IYD: variants seen among roughly 807,000 people sequenced by gnomAD.
IYD encodes iodotyrosine deiodinase 1.
In IYD, 25 loss-of-function variants were observed where a neutral mutation model predicts 28.4. The ratio of observed to expected loss-of-function variants is 0.88; its 90% CI spans 0.64 to 1.23. The LOEUF is 1.23. IYD is among the 50% of genes most tolerant of loss of function. The probability of loss-of-function intolerance (pLI) is 0.00; values close to 1 mark genes in which losing one functional copy is unlikely to be tolerated. For synonymous variants in IYD, 140 were observed against 130.8 expected, an observed-to-expected ratio of 1.07 and a Z score of -0.48; for missense variants, 352 against 357.9, an observed-to-expected ratio of 0.98 and a Z score of 0.13.
chr6:150,394,293 T>TAA (rs764411950), intron 4 of IYD, 38 bp downstream of exon 4: 2 of 1,611,564 alleles, frequency 1.2e-6, no homozygotes, highest in Non-Finnish European at 1.7e-6. Context: ...GTGGCCTTAT[T>TAA]AGAACATTTC....
chr6:150,392,057 G>C (rs1355618798), intron 2 of IYD, among the ~76,000 whole-genome samples: 1 of 151,658 alleles, frequency 6.6e-6, no homozygotes, highest in Non-Finnish European at 1.5e-5. Flanking sequence ...GTTTTTTTAA[G>C]AGACAGGATG....
In IYD at chr6:150,387,429, TAA is replaced by T. The variant is rs35642662; in HGVS notation, c.179-1905_179-1904del. ...AAGAAGAGAAAGAAAAAAGTTCTTG[TAA>T]AAAAAAAAAAAAAAAAAGAATTTAC... On this transcript the variant is annotated intron_variant, in intron 1 of 4. Transcript: ENST00000344419. 5.0e-3 allele frequency among the ~76,000 whole-genome samples: 667 copies of T among 133,856 alleles called. 3 individuals are homozygous for T. The highest frequency in any genetic ancestry group is 0.018 in the South Asian group (74 of 4,062). 87.8% of individuals were successfully genotyped at this position (133,856 alleles called of 152,430 possible). A position where few individuals can be genotyped will look rare whatever the true frequency, so the allele number is the denominator to read the frequency against.
chr6:150,388,676 T>TTTCTTTCTTTCC (rs1777991413), intron 1 of IYD, among the ~76,000 whole-genome samples: 1 of 145,470 alleles, frequency 6.9e-6, no homozygotes, highest in Admixed American at 7.0e-5. Context: ...TCTTTCTTTC[T>TTTCTTTCTTTCC]TTCTTTCTTC....
intron 2 of IYD, among the ~76,000 whole-genome samples, chr6:150,389,885 C>T (rs184236808): frequency 6.6e-6 from 1 of 152,248 alleles, no homozygotes; most frequent in East Asian, 1.9e-4. Flanking sequence ...CTCCTTAAAA[C>T]ACACCAGACA....
At chr6:150,396,463 A>G (rs75732193) in intron 4 of IYD, 2 of 698,698 alleles carry the variant, frequency 2.9e-6, no homozygotes, top group African/African-American at 3.5e-5. Flanking sequence ...TGGTCTGTGT[A>G]TTTGCAGGTT....
intron 1 of IYD, among the ~76,000 whole-genome samples, chr6:150,375,390 C>A (rs1311116183): frequency 6.6e-6 from 1 of 152,144 alleles, no homozygotes; most frequent in African/African-American, 2.4e-5. Flanking sequence ...TTATGGGAGT[C>A]TTCAAACTGG....
At chr6:150,389,637 TAA>T in intron 2 of IYD, 94 bp downstream of exon 2, 1 of 1,116,198 alleles carries the variant, frequency 9.0e-7, no homozygotes. Context: ...ACATAGCGAA[TAA>T]AGCCTAGAGT....
Position 150,402,346 on chromosome 6 carries a change from CA to C in IYD, c.*4111del, listed in dbSNP as rs1290694355. 1 of 152,228 alleles carries C rather than the reference CA, an allele frequency of 6.6e-6. No homozygotes were observed. The highest frequency in any genetic ancestry group is 1.5e-5 in the Non-Finnish European group (1 of 68,046). 9.4% of individuals were successfully genotyped at this position (152,228 alleles called of 1,614,324 possible). On this transcript the variant is annotated 3_prime_UTR_variant, in exon 5 of 5. Transcript: ENST00000344419. Reference sequence around the variant, plus strand: ...CCTAGGAGTGACCTCCTCAGTCTCACAACCCTTTGGCTAGAACTAGTCATGT... The same window carrying C: ...CCTAGGAGTGACCTCCTCAGTCTCACACCCTTTGGCTAGAACTAGTCATGT...
At chr6:150,393,020 G>A (rs369201544) in intron 3 of IYD, among the ~76,000 whole-genome samples, 2 of 152,150 alleles carry the variant, frequency 1.3e-5, no homozygotes, top group Non-Finnish European at 1.5e-5. Context: ...AGCACAGTCC[G>A]CGTGCTCTGT....
chr6:150,396,576 A>G (rs1778320045), intron 4 of IYD: 2 of 650,088 alleles, frequency 3.1e-6, no homozygotes, highest in Non-Finnish European at 5.5e-6. Context: ...ATATTTTCTC[A>G]AAAAAGTTTA....
chr6:150,372,701 T>TGGG (rs1261226982), intron 1 of IYD, among the ~76,000 whole-genome samples: 1 of 64,686 alleles, frequency 1.5e-5, no homozygotes, highest in Non-Finnish European at 2.7e-5. Flanking sequence ...TGTGTGGGGG[T>TGGG]GTGTTGGGGG....
intron 1 of IYD, among the ~76,000 whole-genome samples, chr6:150,380,768 G>T (rs1198422490): frequency 6.6e-6 from 1 of 152,044 alleles, no homozygotes; most frequent in African/African-American, 2.4e-5. Flanking sequence ...TGTTTCTTTG[G>T]TCTCTCACTT....
intron 1 of IYD, among the ~76,000 whole-genome samples, chr6:150,388,665 T>TTCTTTCTTTCTTTCTTTCTC (rs1554231501): frequency 2.6e-4 from 38 of 146,566 alleles, no homozygotes; most frequent in African/African-American, 9.1e-4. Context: ...CTTTCTTTCT[T>TTCTTTCTTTCTTTCTTTCTC]TCTTTCTTTC....
At chr6:150,388,627 TTTGCTTTCTTTCTTTCTTTC>T (rs1253884070) in intron 1 of IYD, among the ~76,000 whole-genome samples, 1 of 129,002 alleles carries the variant, frequency 7.8e-6, no homozygotes, top group Non-Finnish European at 1.6e-5. Flanking sequence ...GTCTGGAGTT[TTTGCTTTCTTTCTTTCTTTC>T]TTTCTTTCTT....
chr6:150,398,225 GGTGACA>G lies in IYD; in HGVS notation c.862_867del (p.Thr288_Val289del). 1 of 1,614,142 alleles carries G rather than the reference GGTGACA, an allele frequency of 6.2e-7. No homozygotes were observed. Among genetic ancestry groups the G allele is most frequent in the Non-Finnish European group, 8.5e-7 (1 of 1,180,006 alleles). ...AGCGCAAACCTCTGGACCAGATCATGGTGACAGTGTAGGCAGGGCCCCCCAAGGGAG... is the reference window on the plus strand; with the variant it reads ...AGCGCAAACCTCTGGACCAGATCATGGTGTAGGCAGGGCCCCCCAAGGGAG... On this transcript the variant is annotated inframe_deletion, in exon 5 of 5. Transcript: ENST00000344419.
At chr6:150,392,276 C>T in intron 2 of IYD, 69 bp from the exon 3 acceptor site, 4 of 1,607,872 alleles carry the variant, frequency 2.5e-6, no homozygotes, top group Non-Finnish European at 3.4e-6. Flanking sequence ...AGGGATGAGC[C>T]TCTCCTTAAT....
intron 1 of IYD, 78 bp downstream of exon 1, chr6:150,369,287 T>C: frequency 7.0e-7 from 1 of 1,420,084 alleles, no homozygotes; most frequent in Non-Finnish European, 9.8e-7. Flanking sequence ...GCAGGGCTTA[T>C]GGAGAGGAAG....
intron 1 of IYD, among the ~76,000 whole-genome samples, chr6:150,379,594 A>G (rs1445269244): frequency 1.3e-5 from 2 of 152,218 alleles, no homozygotes; most frequent in Non-Finnish European, 2.9e-5. Flanking sequence ...TTAAATATAT[A>G]AGGAATAAGG....
chr6:150,391,502 G>T (rs1034771378), intron 2 of IYD, among the ~76,000 whole-genome samples: 1 of 152,124 alleles, frequency 6.6e-6, no homozygotes, highest in African/African-American at 2.4e-5. Context: ...TCCTTAGTAG[G>T]CATGGTGCAG....
Sources: allele counts gnomAD v4.1 joint callset (sites outside exome capture counted in the v4.1 genomes callset), GRCh38; gene constraint gnomAD v4.1.1; transcripts MANE v1.5; gene names NCBI Gene and HGNC (gene_info 2026-07-23, HGNC 2026-07-21).